Variants in RELB observed in about 807,000 individuals in gnomAD.
RELB encodes transcription factor RelB.
A neutral mutation model predicts 55.4 loss-of-function variants in RELB; 14 were observed. That is an observed-to-expected ratio of 0.25 (90% CI 0.17 to 0.40). The LOEUF (loss-of-function observed/expected upper bound fraction) is 0.40, where lower values mean the gene tolerates loss of function less well. Among genes scored for constraint, RELB ranks in the 10% least tolerant of loss-of-function variants. The pLI is 1.00. For synonymous variants in RELB, 409 were observed against 371.3 expected (o/e 1.10, Z -1.17); for missense variants, 669 against 830.7 (o/e 0.81, Z 2.39).
intron 4 of RELB, among the ~76,000 whole-genome samples, chr19:45,013,449 G>A (rs745927208): frequency 4.8e-5 from 7 of 145,192 alleles, no homozygotes; most frequent in Non-Finnish European, 7.4e-5. Context: ...CCTCTTTGGT[G>A]TCTGTTAATC....
intron 7 of RELB, among the ~76,000 whole-genome samples, chr19:45,028,513 T>C (rs1971583983): frequency 6.6e-6 from 1 of 151,984 alleles, no homozygotes; most frequent in Non-Finnish European, 1.5e-5. Flanking sequence ...TTTGTATTTT[T>C]AGTAGAGTCA....
At chr19:45,029,381 A>G (rs944884309) in intron 8 of RELB, among the ~76,000 whole-genome samples, 1 of 152,068 alleles carries the variant, frequency 6.6e-6, no homozygotes, top group Non-Finnish European at 1.5e-5. Flanking sequence ...CACTTCATTC[A>G]TCTCTGTTCA....
chr19:45,027,334 C>A (rs1165024765), intron 7 of RELB, among the ~76,000 whole-genome samples: 1 of 151,884 alleles, frequency 6.6e-6, no homozygotes, highest in Non-Finnish European at 1.5e-5. Flanking sequence ...GCAGATGTAG[C>A]ATAGTGCTTC....
At chr19:45,032,063 C>T (rs1971629386) in intron 8 of RELB, among the ~76,000 whole-genome samples, 1 of 151,576 alleles carries the variant, frequency 6.6e-6, no homozygotes, top group African/African-American at 2.4e-5. Context: ...TGGTGAAACC[C>T]CGTCTCTATT....
chr19:45,009,112 G>A (rs1283148060), intron 2 of RELB, among the ~76,000 whole-genome samples: 2 of 152,056 alleles, frequency 1.3e-5, no homozygotes, highest in Non-Finnish European at 2.9e-5. Context: ...AGACAGTCTC[G>A]CTCTGTTGTC....
intron 1 of RELB, 36 bp from the exon 2 acceptor site, chr19:45,002,913 C>T (rs757350367): frequency 1.3e-6 from 2 of 1,597,382 alleles, no homozygotes; most frequent in South Asian, 2.2e-5. Flanking sequence ...CTGGCTGCCC[C>T]CCATCACCTC....
chr19:45,037,016 C>T (rs1744457587), intron 11 of RELB, among the ~76,000 whole-genome samples: 5 of 152,144 alleles, frequency 3.3e-5, no homozygotes, highest in Admixed American at 2.0e-4. Flanking sequence ...TGGTGGCTCA[C>T]ACCTGTAATC....
At position 45,030,092 on chromosome 19, in the gene RELB, G is replaced by A. The variant is rs190707962; in HGVS notation, c.991+1100G>A. On this transcript the variant is annotated intron_variant, in intron 8 of 11. Coordinates refer to ENST00000221452, the MANE Select transcript of RELB (RefSeq NM_006509.4). ...TGAGGTGGGAGGATCACTTGAGCCC[G>A]GGAGGCGGAGGCTGCAGTGAGCCAA... is the stretch of plus-strand genomic sequence containing the variant. Among the ~76,000 whole-genome samples, 657 of 150,616 alleles carry A rather than the reference G, an allele frequency of 4.4e-3. 1 individual carries two copies. Among genetic ancestry groups the A allele is most frequent in the Non-Finnish European group, 7.7e-3 (517 of 67,558 alleles).
At position 45,037,637 on chromosome 19, in the gene RELB, C is replaced by A; in HGVS notation, c.1587C>A (p.Pro529=). ...CCGGGGCCGTGGTTGGGGAGACCCCCGGCCCTGAACCACTGACACTGGACT... is the reference window on the plus strand; with the variant it reads ...CCGGGGCCGTGGTTGGGGAGACCCCAGGCCCTGAACCACTGACACTGGACT... The part of the protein sequence containing the change: ...GGAGAVVGET[P]GPEPLTLDSY... Residue 529 remains proline, a synonymous_variant, in exon 12 of 12, where the codon CCC becomes CCA. Transcript: ENST00000221452. The A allele has an allele frequency of 6.3e-7, 1 of 1,599,618 alleles. No individual in the cohort carries two copies. The highest frequency in any genetic ancestry group is 8.5e-7 in the Non-Finnish European group (1 of 1,173,924).
chr19:45,022,913 C>G (rs1239188072), intron 5 of RELB, among the ~76,000 whole-genome samples: 1 of 152,030 alleles, frequency 6.6e-6, no homozygotes, highest in Non-Finnish European at 1.5e-5. Flanking sequence ...CAAATGCTTA[C>G]ACAACATACA....
rs546826828 is a variant in RELB at position 45,033,052 on chromosome 19, C to T, written c.1207+303C>T. Among the ~76,000 whole-genome samples the T allele has an allele frequency of 1.3e-4, 20 of 152,294 alleles. No individual in the cohort carries two copies. The South Asian group carries it at 3.7e-3, about 28-fold the overall frequency. The stretch of plus-strand genomic sequence containing the variant: ...GTGCTCGGTATTGCTAGAGACACAG[C>T]AGTGACCAGCACGGCCCCTAGCTGT... On this transcript the variant is annotated intron_variant, in intron 9 of 11. Transcript: ENST00000221452.
intron 8 of RELB, among the ~76,000 whole-genome samples, chr19:45,032,019 C>T (rs1971627959): frequency 6.6e-6 from 1 of 151,524 alleles, no homozygotes; most frequent in African/African-American, 2.4e-5. Flanking sequence ...GGGCAGATCA[C>T]GAGGTCAGGA....
intron 2 of RELB, chr19:45,003,695 T>C (rs1971243531): frequency 1.8e-5 from 9 of 495,552 alleles, no homozygotes; most frequent in South Asian, 4.4e-5. Context: ...ATCTGTAAGA[T>C]GGACAGAATA....
chr19:45,011,894 T>C, intron 3 of RELB, 42 bp from the exon 4 acceptor site: 1 of 1,326,118 alleles, frequency 7.5e-7, no homozygotes, highest in Non-Finnish European at 9.9e-7. Flanking sequence ...TTTTAATTTT[T>C]TAAAGAATGG....
intron 8 of RELB, 85 bp from the exon 9 acceptor site, chr19:45,032,449 T>G: frequency 8.8e-7 from 1 of 1,130,824 alleles, no homozygotes; most frequent in Non-Finnish European, 1.3e-6. Flanking sequence ...GGAATATTAG[T>G]CTTGATTTTA....
At chr19:45,019,754 C>T (rs1422018492) in intron 4 of RELB, among the ~76,000 whole-genome samples, 3 of 151,166 alleles carry the variant, frequency 2.0e-5, no homozygotes, top group South Asian at 2.1e-4. Flanking sequence ...CTGGGCCCAC[C>T]GCAACCTCCA....
Position 45,009,798 on chromosome 19 carries a change from TCTCTTC to T in RELB, c.155-13_155-8del, listed in dbSNP as rs1971326620. Reference sequence around the variant, plus strand: ...TGGACCTTACCTTTCTCTTTCTCTTTCTCTTCCTTCCACAGATGAATTGGGTGAGTA... The same window carrying T: ...TGGACCTTACCTTTCTCTTTCTCTTTCTTCCACAGATGAATTGGGTGAGTA... On this transcript the variant is annotated splice_polypyrimidine_tract_variant and intron_variant, in intron 2 of 11. Coordinates refer to ENST00000221452, the MANE Select transcript of RELB (RefSeq NM_006509.4). 1.9e-6 allele frequency: 3 copies of T among 1,598,908 alleles called. No homozygotes were observed. The highest frequency in any genetic ancestry group is 3.3e-5 in the Admixed American group (2 of 59,942).
At chr19:45,014,853 G>A (rs1436674339) in intron 4 of RELB, among the ~76,000 whole-genome samples, 1 of 150,982 alleles carries the variant, frequency 6.6e-6, no homozygotes, top group Non-Finnish European at 1.5e-5. Context: ...GATTTAGAAT[G>A]GTAAATGCCT....
At chr19:45,034,121 T>A in intron 9 of RELB, 123 bp from the exon 10 acceptor site, 10 of 679,748 alleles carry the variant, frequency 1.5e-5, no homozygotes, top group Non-Finnish European at 2.3e-5. Context: ...ACCGTGCCAC[T>A]GCACTCCAGC....
Sources: allele counts gnomAD v4.1 joint callset (sites outside exome capture counted in the v4.1 genomes callset), GRCh38; gene constraint gnomAD v4.1.1; transcripts MANE v1.5; gene names NCBI Gene and HGNC (gene_info 2026-07-23, HGNC 2026-07-21).